RELN: variants seen among roughly 807,000 people sequenced by gnomAD.
The protein encoded by RELN is reelin.
RELN carries 108 observed loss-of-function variants against 427.6 expected under a neutral mutation model. The ratio of observed to expected loss-of-function variants is 0.25; its 90% CI spans 0.22 to 0.30. RELN has a LOEUF of 0.30. Ranked by LOEUF, RELN falls within the 10% of genes least tolerant of loss-of-function variation. The pLI is 1.00. For missense variants in RELN, 3,715 were observed against 4,302.8 expected (o/e 0.86, Z 3.82); for synonymous variants, 1,524 against 1,513.4 (o/e 1.01, Z -0.16).
chr7:103,815,677 G>A (rs544492080), intron 3 of RELN, among the ~76,000 whole-genome samples: 35 of 152,204 alleles, frequency 2.3e-4, no homozygotes, highest in African/African-American at 8.2e-4. Flanking sequence ...TGTAATAACA[G>A]TTTTGGTAGT....
chr7:103,857,447 C>A (rs140696851), intron 2 of RELN, among the ~76,000 whole-genome samples: 310 of 152,298 alleles, frequency 2.0e-3, no homozygotes, highest in African/African-American at 6.8e-3. Context: ...CTTCTCCATC[C>A]AACATGCAGG....
chr7:103,989,179 G>A lies in RELN; in HGVS notation c.178C>T (p.His60Tyr). 1.2e-6 allele frequency: 2 copies of A among 1,614,134 alleles called. No individual in the cohort carries two copies. The highest frequency in any genetic ancestry group is 1.7e-6 in the Non-Finnish European group (2 of 1,179,998). Residue 60 changes from histidine to tyrosine, a missense_variant, in exon 1 of 65, where the codon CAT becomes TAT. Transcript: ENST00000428762. The surrounding 1 kb of genome is among the most constrained non-coding windows in gnomAD (Gnocchi z 4.9). ...TAGTAGGTGGGGTTGCCCGCAATAT[G>A]CAGGGAAATGAGCACCTCGCCCTGC... The part of the protein sequence containing the change: ...GEQGEVLISL[H>Y]IAGNPTYYVP...
intron 4 of RELN, among the ~76,000 whole-genome samples, chr7:103,754,679 G>A (rs1791089996): frequency 6.6e-6 from 1 of 152,190 alleles, no homozygotes; most frequent in African/African-American, 2.4e-5. Flanking sequence ...AGGAGGCTGA[G>A]GCAGGAGGAT....
At chr7:103,607,106 T>G (rs1397755538) in intron 22 of RELN, among the ~76,000 whole-genome samples, 15 of 78,546 alleles carry the variant, frequency 1.9e-4, no homozygotes, top group South Asian at 1.1e-3. Flanking sequence ...GGGTGGGGGG[T>G]GGGGGGAGGG....
At chr7:103,503,442 TG>T (rs2117040574) in intron 51 of RELN, among the ~76,000 whole-genome samples, 1 of 152,310 alleles carries the variant, frequency 6.6e-6, no homozygotes, top group Admixed American at 6.5e-5. Flanking sequence ...AAATATATTG[TG>T]TAGGGGGTTT....
At chr7:103,551,986 C>T (rs1325752355) in intron 40 of RELN, among the ~76,000 whole-genome samples, 1 of 151,648 alleles carries the variant, frequency 6.6e-6, no homozygotes, top group Non-Finnish European at 1.5e-5. Context: ...TCTATTAACA[C>T]ATTTTCAGCA....
At chr7:103,583,323 C>T (rs1831196760) in intron 28 of RELN, among the ~76,000 whole-genome samples, 1 of 152,098 alleles carries the variant, frequency 6.6e-6, no homozygotes, top group Admixed American at 6.5e-5. Flanking sequence ...ACCAATTTCC[C>T]CTAAAAAAAT....
At chr7:103,924,467 G>C (rs981208154) in intron 1 of RELN, among the ~76,000 whole-genome samples, 1 of 152,144 alleles carries the variant, frequency 6.6e-6, no homozygotes, top group Non-Finnish European at 1.5e-5. Flanking sequence ...GGAGAATGCC[G>C]TGCAAATGCT....
At position 103,569,690 on chromosome 7, in the gene RELN, A is replaced by C. The variant is rs1830837521; in HGVS notation, c.4588+2494T>G. 6.6e-6 allele frequency among the ~76,000 whole-genome samples: 1 copy of C among 152,184 alleles called. No homozygotes were observed. Among genetic ancestry groups the C allele is most frequent in the Non-Finnish European group, 1.5e-5 (1 of 68,040 alleles). On this transcript the variant is annotated intron_variant, in intron 31 of 64. Transcript: ENST00000428762. The surrounding 1 kb of genome is among the most constrained non-coding windows in gnomAD (Gnocchi z 4.0). ...CTGCAGAGATGAGGGCCCCAATTCC[A>C]AAGGACAAAGAAGGAGAGCCTCTCA...
In RELN at chr7:103,676,690, C is replaced by T. The variant is rs976592504; in HGVS notation, c.1289+5426G>A. ...TTAAGAAAATGTGTCACATATACAC[C>T]ATGGAATACTATGCAGCCACAAAAA... On this transcript the variant is annotated intron_variant, in intron 11 of 64. Transcript: ENST00000428762. 5.9e-5 allele frequency among the ~76,000 whole-genome samples: 9 copies of T among 152,306 alleles called. No homozygotes were observed. The East Asian group carries it at 1.7e-3, about 29-fold the overall frequency.
chr7:103,591,966 T>C (rs1831425974), intron 27 of RELN, among the ~76,000 whole-genome samples: 1 of 152,160 alleles, frequency 6.6e-6, no homozygotes, highest in Admixed American at 6.6e-5. Context: ...ATAAAAATTC[T>C]CCCTGATTTT....
intron 1 of RELN, among the ~76,000 whole-genome samples, chr7:103,918,913 A>T (rs566657102): frequency 7.2e-5 from 11 of 152,306 alleles, no homozygotes; most frequent in African/African-American, 2.6e-4. Context: ...AAGTATGCAT[A>T]AATTTTATCA....
chr7:103,890,304 T>C (rs910928470), intron 2 of RELN, among the ~76,000 whole-genome samples: 3 of 151,980 alleles, frequency 2.0e-5, no homozygotes, highest in Non-Finnish European at 4.4e-5. Context: ...AAGATTGTCA[T>C]TGGGATTCAC....
Position 103,618,196 on chromosome 7 carries a change from A to G in RELN, c.2703-6393T>C, listed in dbSNP as rs75426519. ...TTGTTTGCTTGCTCCATCAAGGACTAGAGCAGAAAATTAAAATAACACTCT... is the reference window on the plus strand; with the variant it reads ...TTGTTTGCTTGCTCCATCAAGGACTGGAGCAGAAAATTAAAATAACACTCT... On this transcript the variant is annotated intron_variant, in intron 20 of 64. Transcript: ENST00000428762. Among the ~76,000 whole-genome samples, 200 of 152,380 alleles carry G rather than the reference A, an allele frequency of 1.3e-3. 4 individuals are homozygous for G. The East Asian group carries it at 0.034, about 26-fold the overall frequency.
intron 1 of RELN, among the ~76,000 whole-genome samples, chr7:103,987,905 G>A (rs1287152750): frequency 6.6e-6 from 1 of 152,160 alleles, no homozygotes; most frequent in Non-Finnish European, 1.5e-5. Context: ...AAAACCTCTA[G>A]GAGACGTTTA....
intron 46 of RELN, among the ~76,000 whole-genome samples, chr7:103,531,776 C>A (rs1219939978): frequency 6.6e-6 from 1 of 151,126 alleles, no homozygotes; most frequent in African/African-American, 2.4e-5. Flanking sequence ...GTAAAAAAAA[C>A]AAAACAAAAC....
intron 19 of RELN, 75 bp from the exon 20 acceptor site, chr7:103,630,251 T>C (rs1832422793): frequency 2.0e-6 from 2 of 1,014,324 alleles, no homozygotes; most frequent in African/African-American, 3.2e-5. Flanking sequence ...TGGGATAGAT[T>C]TCCCCTGAAG....
At chr7:103,641,544 T>C (rs1832693656) in intron 16 of RELN, among the ~76,000 whole-genome samples, 1 of 152,160 alleles carries the variant, frequency 6.6e-6, no homozygotes, top group South Asian at 2.1e-4. Flanking sequence ...GTTTCAGGTG[T>C]CAGATAATCC....
chr7:103,638,893 A>C (rs1832639537), intron 17 of RELN, among the ~76,000 whole-genome samples: 1 of 152,242 alleles, frequency 6.6e-6, no homozygotes, highest in Non-Finnish European at 1.5e-5. Context: ...AATATGATAC[A>C]CATAAAATGA....
Sources: allele counts gnomAD v4.1 joint callset (sites outside exome capture counted in the v4.1 genomes callset), GRCh38; gene constraint gnomAD v4.1.1; non-coding constraint Gnocchi (gnomAD v3.1); transcripts MANE v1.5; gene names NCBI Gene and HGNC (gene_info 2026-07-23, HGNC 2026-07-21).